Variants in TMTC3 observed in about 807,000 individuals in gnomAD.
TMTC3 encodes protein O-mannosyl-transferase TMTC3.
Under a neutral mutation model 92.2 loss-of-function variants are expected in TMTC3, and 52 were observed. That is an observed-to-expected ratio of 0.56 (90% CI 0.45 to 0.71). The LOEUF is 0.71. Among genes scored for constraint, TMTC3 ranks in the 30% least tolerant of loss-of-function variants. The pLI, the probability that TMTC3 is intolerant of heterozygous loss-of-function variation, is 0.00. For synonymous variants in TMTC3, 339 were observed against 363.3 expected, an observed-to-expected ratio of 0.93 and a Z score of 0.76; for missense variants, 896 against 1,057.1, an observed-to-expected ratio of 0.85 and a Z score of 2.11.
At chr12:88,162,432 TAA>T (rs1226255553) in intron 6 of TMTC3, among the ~76,000 whole-genome samples, 2 of 152,188 alleles carry the variant, frequency 1.3e-5, no homozygotes, top group Non-Finnish European at 2.9e-5. Flanking sequence ...GTATGTCAGT[TAA>T]GTATATTTAA....
In TMTC3 at chr12:88,197,496, C is replaced by CTGAG. The variant is rs1295906780; in HGVS notation, c.*1850_*1853dup. 2 of 152,104 alleles carry CTGAG rather than the reference C, an allele frequency of 1.3e-5. No homozygotes were observed. The highest frequency in any genetic ancestry group is 1.5e-5 in the Non-Finnish European group (1 of 67,824). 9.4% of individuals were successfully genotyped at this position (152,104 alleles called of 1,614,324 possible). A position where few individuals can be genotyped will look rare whatever the true frequency, so the allele number is the denominator to read the frequency against. On this transcript the variant is annotated 3_prime_UTR_variant, in exon 14 of 14. Transcript: ENST00000266712. ...ATGTATCTTTCTTAAGGAAAAGTTT[C>CTGAG]TGAGTGTGATCTCTCTTTTGCCATA...
chr12:88,161,125 A>G (rs1391831459), intron 6 of TMTC3, among the ~76,000 whole-genome samples: 3 of 152,118 alleles, frequency 2.0e-5, no homozygotes, highest in East Asian at 1.9e-4. Flanking sequence ...CTATATCCTT[A>G]GTGATTTTTG....
At chr12:88,164,590 A>G (rs1168225186) in intron 6 of TMTC3, among the ~76,000 whole-genome samples, 2 of 152,206 alleles carry the variant, frequency 1.3e-5, no homozygotes, top group African/African-American at 4.8e-5. Flanking sequence ...TTAAGTCTGC[A>G]TATCATATTT....
In TMTC3 at chr12:88,192,585, G is replaced by A. The variant is rs1327703942; in HGVS notation, c.1707-19G>A. The stretch of plus-strand genomic sequence containing the variant: ...GATGGTAATGTTGTAAGTAAAGCTT[G>A]TGTTTGATTTTTCCACAGAGGAGAA... On this transcript the variant is annotated intron_variant, in intron 12 of 13. Transcript: ENST00000266712. 1.9e-6 allele frequency: 3 copies of A among 1,566,690 alleles called. No homozygotes were observed. The highest frequency in any genetic ancestry group is 4.5e-5 in the East Asian group (2 of 44,098).
At position 88,166,267 on chromosome 12, in the gene TMTC3, T is replaced by C. The variant is rs2041142062; in HGVS notation, c.798-63T>C. ...AATGTTTATTGTTTAGTGTTTTACT[T>C]ATGTAAATAATTCTGTACTTTAAAA... On this transcript the variant is annotated intron_variant, in intron 6 of 13. Transcript: ENST00000266712. The C allele has an allele frequency of 1.1e-5, 16 of 1,455,256 alleles. No individual in the cohort carries two copies. In the South Asian group the frequency reaches 2.2e-4, roughly 20 times the overall value. 90.1% of individuals were successfully genotyped at this position (1,455,256 alleles called of 1,614,324 possible).
Position 88,153,393 on chromosome 12 carries a change from A to ATT in TMTC3, c.296_297dup (p.His100PhefsTer7), listed in dbSNP as rs1565943716. On this transcript the variant is annotated frameshift_variant, in exon 3 of 14. Transcript: ENST00000266712. LOFTEE classifies it high-confidence loss of function. Reference sequence around the variant, plus strand: ...AATGTCATATCATCTCCTGAATATGATTTTTCATGCTGTGGTTAGTGTGAT... The same window carrying ATT: ...AATGTCATATCATCTCCTGAATATGATTTTTTTCATGCTGTGGTTAGTGTGAT... 4 of 1,613,356 alleles carry ATT rather than the reference A, an allele frequency of 2.5e-6. No homozygotes were observed.
Position 88,195,311 on chromosome 12 carries a change from C to T in TMTC3, c.2407C>T (p.His803Tyr). Residue 803 changes from histidine to tyrosine, a missense_variant, in exon 14 of 14, where the codon CAT becomes TAT. Transcript: ENST00000266712. ...TCTTGAAACACTGGCATTAGCACCACATGAAGAATATATTCAGCGCCATTT... is the reference window on the plus strand; with the variant it reads ...TCTTGAAACACTGGCATTAGCACCATATGAAGAATATATTCAGCGCCATTT... ...CLLETLALAP[H>Y]EEYIQRHLNI... 6.2e-7 allele frequency: 1 copy of T among 1,613,816 alleles called. No individual in the cohort carries two copies. The highest frequency in any genetic ancestry group is 8.5e-7 in the Non-Finnish European group (1 of 1,179,878).
At chr12:88,152,118 G>C (rs147030192) in intron 2 of TMTC3, among the ~76,000 whole-genome samples, 1 of 152,168 alleles carries the variant, frequency 6.6e-6, no homozygotes, top group Non-Finnish European at 1.5e-5. Context: ...TCTGTTTTGC[G>C]TTAGTATAAA....
At chr12:88,183,810 T>C (rs2041345375) in intron 10 of TMTC3, among the ~76,000 whole-genome samples, 2 of 152,130 alleles carry the variant, frequency 1.3e-5, no homozygotes, top group African/African-American at 4.8e-5. Context: ...TAATTGAGCC[T>C]GCGAAACTGG....
In TMTC3 at chr12:88,195,675, A is replaced by G; in HGVS notation, c.*26A>G. 1.3e-6 allele frequency: 2 copies of G among 1,534,720 alleles called. No homozygotes were observed. Among genetic ancestry groups the G allele is most frequent in the Non-Finnish European group, 1.8e-6 (2 of 1,139,946 alleles). ...CATTAATATTTATCGTGACAATGGT[A>G]TCAAAGAACATCAATCCGTATCATG... On this transcript the variant is annotated 3_prime_UTR_variant, in exon 14 of 14. Coordinates refer to ENST00000266712, the MANE Select transcript of TMTC3 (RefSeq NM_181783.4).
chr12:88,145,128 T>C (rs2040856779), intron 1 of TMTC3, among the ~76,000 whole-genome samples: 1 of 152,214 alleles, frequency 6.6e-6, no homozygotes, highest in Non-Finnish European at 1.5e-5. Flanking sequence ...TAGTTCCTTT[T>C]TGCTGACTTA....
chr12:88,160,693 A>G lies in TMTC3; in HGVS notation c.639A>G (p.Leu213=), dbSNP rs2041066219. The stretch of plus-strand genomic sequence containing the variant: ...TTCTTTTTCAGTATACTTTGCCATT[A>G]CTATGTACTACTGCTGGACAGTTTC... ...VFIAQGYTLP[L]LCTTAGQFLR... is the part of the protein sequence containing the mutation. The change falls in exon 6 of 14, where the codon TTA becomes TTG. Residue 213 remains leucine (L), a synonymous_variant. Transcript: ENST00000266712. 2 of 1,612,862 alleles carry G rather than the reference A, an allele frequency of 1.2e-6. No individual in the cohort carries two copies. The highest frequency in any genetic ancestry group is 1.7e-6 in the Non-Finnish European group (2 of 1,179,594).
At position 88,173,937 on chromosome 12, in the gene TMTC3, T is replaced by C. The variant is rs117368501; in HGVS notation, c.1200-670T>C. The stretch of plus-strand genomic sequence containing the variant: ...CCATGTTCTTTCACATCCATACTTG[T>C]GTGTTCTAGTTAAGTGGATCTATCA... On this transcript the variant is annotated intron_variant, in intron 8 of 13. Coordinates refer to ENST00000266712, the MANE Select transcript of TMTC3 (RefSeq NM_181783.4). Among the ~76,000 whole-genome samples the C allele has an allele frequency of 1.4e-3, 214 of 152,234 alleles. 2 individuals are homozygous for C. The highest frequency in any genetic ancestry group is 1.7e-3 in the Non-Finnish European group (114 of 67,944).
Position 88,195,801 on chromosome 12 carries a change from A to T in TMTC3, c.*152A>T. 3.4e-6 allele frequency: 2 copies of T among 595,454 alleles called. No homozygotes were observed. The highest frequency in any genetic ancestry group is 3.5e-5 in the Admixed American group (1 of 28,500). The allele number at this position is 595,454 out of a possible 1,614,324, so 36.9% of individuals were successfully genotyped here. A position where few individuals can be genotyped will look rare whatever the true frequency, so the allele number is the denominator to read the frequency against. Reference sequence around the variant, plus strand: ...GATCAAAATAAGATTTTCATTAAAGACCTGTATTATCCCAGGATGTATATT... The same window carrying T: ...GATCAAAATAAGATTTTCATTAAAGTCCTGTATTATCCCAGGATGTATATT... On this transcript the variant is annotated 3_prime_UTR_variant, in exon 14 of 14. Transcript: ENST00000266712.
intron 10 of TMTC3, 98 bp from the exon 11 acceptor site, chr12:88,188,745 A>C (rs568884007): frequency 6.5e-6 from 4 of 613,234 alleles, no homozygotes; most frequent in Admixed American, 6.8e-5. Context: ...GTTACATTGA[A>C]TACTTGTTTA....
Position 88,172,904 on chromosome 12 carries a change from A to G in TMTC3, c.1199+159A>G, listed in dbSNP as rs989498162. The G allele has an allele frequency of 2.0e-5, 30 of 1,506,454 alleles. No individual in the cohort carries two copies. The Admixed American group carries it at 2.4e-4, about 12-fold the overall frequency. 93.3% of individuals were successfully genotyped at this position (1,506,454 alleles called of 1,614,324 possible). On this transcript the variant is annotated intron_variant, in intron 8 of 13. Coordinates refer to ENST00000266712, the MANE Select transcript of TMTC3 (RefSeq NM_181783.4). Reference sequence around the variant, plus strand: ...ATTTGTCTTGTAAGTCAAGTTAGGAAAGCTCCATGGCACCTACTTATTCTG... The same window carrying G: ...ATTTGTCTTGTAAGTCAAGTTAGGAGAGCTCCATGGCACCTACTTATTCTG...
intron 10 of TMTC3, among the ~76,000 whole-genome samples, chr12:88,179,870 A>G (rs2041297907): frequency 6.6e-6 from 1 of 152,220 alleles, no homozygotes; most frequent in Non-Finnish European, 1.5e-5. Flanking sequence ...TGGAGACAGG[A>G]GTAAACAAAT....
intron 10 of TMTC3, among the ~76,000 whole-genome samples, chr12:88,184,006 A>G (rs1281016325): frequency 2.0e-5 from 3 of 152,144 alleles, no homozygotes; most frequent in East Asian, 3.9e-4. Flanking sequence ...ATCGCAATCC[A>G]TTGCAGCCTT....
chr12:88,168,284 T>C (rs539687192), intron 7 of TMTC3, among the ~76,000 whole-genome samples: 1 of 152,322 alleles, frequency 6.6e-6, no homozygotes, highest in Admixed American at 6.5e-5. Flanking sequence ...AATTTGTTTA[T>C]GTGCAGTGAG....
Sources: allele counts gnomAD v4.1 joint callset (sites outside exome capture counted in the v4.1 genomes callset), GRCh38; gene constraint gnomAD v4.1.1; transcripts MANE v1.5; gene names NCBI Gene and HGNC (gene_info 2026-07-23, HGNC 2026-07-21).